Variants in P3H4 observed in about 807,000 individuals in gnomAD.
P3H4 encodes the protein prolyl 3-hydroxylase family member 4 (inactive).
A neutral mutation model predicts 52.9 loss-of-function variants in P3H4; 47 were observed. That is an observed-to-expected ratio of 0.89 (90% confidence interval 0.70 to 1.13). The LOEUF (loss-of-function observed/expected upper bound fraction) is 1.13. Among genes scored for constraint, P3H4 ranks in the 50% most tolerant of loss-of-function variants. P3H4 has a pLI of 0.00. For synonymous variants in P3H4, 256 were observed against 267.9 expected, an observed-to-expected ratio of 0.96 and a Z score of 0.44; for missense variants, 585 against 611.0, an observed-to-expected ratio of 0.96 and a Z score of 0.45.
At position 41,811,775 on chromosome 17, in the gene P3H4, G is replaced by A. The variant is rs1555615256; in HGVS notation, c.141C>T (p.Tyr47=). Residue 47 remains tyrosine, a synonymous_variant, in exon 1 of 8, where the codon TAC becomes TAT. Transcript: ENST00000393928. The surrounding 1 kb of genome is among the most constrained non-coding windows in gnomAD (Gnocchi z 4.8). ...AAAYGHALEQ[Y]EGESWRESAR... The stretch of plus-strand genomic sequence containing the variant: ...CGCTCTCGCGCCAGCTCTCTCCCTC[G>A]TACTGCTCCAGAGCGTGCCCGTACG... 1.3e-6 allele frequency: 2 copies of A among 1,532,964 alleles called. No individual in the cohort carries two copies. The highest frequency in any genetic ancestry group is 5.3e-5 in the East Asian group (2 of 37,462). The allele number at this position is 1,532,964 out of a possible 1,614,324, so 95.0% of individuals were successfully genotyped here.
intron 6 of P3H4, among the ~76,000 whole-genome samples, chr17:41,804,247 C>T (rs973376518): frequency 4.0e-5 from 6 of 151,792 alleles, no homozygotes; most frequent in African/African-American, 7.2e-5. Context: ...CACCGTGCCC[C>T]GCCAGGACCA....
At position 41,802,557 on chromosome 17, in the gene P3H4, T is replaced by C; in HGVS notation, c.*400A>G. The C allele has an allele frequency of 5.0e-6, 1 of 200,334 alleles. No individual in the cohort carries two copies. The highest frequency in any genetic ancestry group is 9.8e-6 in the Non-Finnish European group (1 of 102,558). 12.4% of individuals were successfully genotyped at this position (200,334 alleles called of 1,614,324 possible). A position where few individuals can be genotyped will look rare whatever the true frequency, so the allele number is the denominator to read the frequency against. ...GCGTGAGCCACCGTGCCGGCCCGTC[T>C]TGTTTTTTTTTAAAGATGGAGTCTC... On this transcript the variant is annotated 3_prime_UTR_variant, in exon 8 of 8. Transcript: ENST00000393928.
At position 41,811,665 on chromosome 17, in the gene P3H4, G is replaced by A; in HGVS notation, c.251C>T (p.Ala84Val). The A allele has an allele frequency of 1.4e-6, 2 of 1,427,986 alleles. No individual in the cohort carries two copies. The highest frequency in any genetic ancestry group is 1.8e-6 in the Non-Finnish European group (2 of 1,102,534). 88.5% of individuals were successfully genotyped at this position (1,427,986 alleles called of 1,614,324 possible). A position where few individuals can be genotyped will look rare whatever the true frequency, so the allele number is the denominator to read the frequency against. ...AFCHANCSGP[A>V]PAAKPDPDGG... The stretch of plus-strand genomic sequence containing the variant: ...GTCGGGATCGGGCTTGGCCGCGGGC[G>A]CGGGGCCGCTGCAGTTGGCGTGGCA... Residue 84 changes from alanine (A) to valine (V), a missense_variant, in exon 1 of 8, where the codon GCG becomes GTG. Physicochemically the swap from Ala to Val is moderately conservative, Grantham distance 64. Coordinates refer to ENST00000393928, the MANE Select transcript of P3H4 (RefSeq NM_006455.3). This position sits in a 1 kb window ranked among gnomAD's most constrained non-coding sequence, Gnocchi z 4.8.
In P3H4 at chr17:41,802,145, T is replaced by C. The variant is rs1262360500; in HGVS notation, c.*812A>G. On this transcript the variant is annotated 3_prime_UTR_variant, in exon 8 of 8. Transcript: ENST00000393928. ...TCAGCAGTGAGGAGGGCGGACCCCA[T>C]CAGCCCACTTGCCAACCTGCAATGC... 6.6e-6 allele frequency: 1 copy of C among 152,306 alleles called. No homozygotes were observed. Among genetic ancestry groups the C allele is most frequent in the Non-Finnish European group, 1.5e-5 (1 of 68,208 alleles). The allele number at this position is 152,306 out of a possible 1,614,324, so 9.4% of individuals were successfully genotyped here. A position where few individuals can be genotyped will look rare whatever the true frequency, so the allele number is the denominator to read the frequency against.
chr17:41,807,940 G>A lies in P3H4; in HGVS notation c.981C>T (p.Ser327=), dbSNP rs34661454. Residue 327 remains serine, a synonymous_variant, in exon 5 of 8, where the codon AGC becomes AGT. Coordinates refer to ENST00000393928, the MANE Select transcript of P3H4 (RefSeq NM_006455.3). ...AATACACCAGGTTCTGCTGCATGAC[G>A]CTGTCCTTGGGGTCGAAGAGCATGT... ...ASYMLFDPKD[S]VMQQNLVYYR... 20 of 1,614,058 alleles carry A rather than the reference G, an allele frequency of 1.2e-5. No individual in the cohort carries two copies. The highest frequency in any genetic ancestry group is 8.0e-5 in the African/African-American group (6 of 74,932).
At chr17:41,809,860 G>T (rs376821198) in intron 3 of P3H4, 26 bp from the exon 4 acceptor site, 3 of 1,603,716 alleles carry the variant, frequency 1.9e-6, no homozygotes, top group Non-Finnish European at 2.6e-6. Flanking sequence ...AGCAGTGAGA[G>T]GCTGGCATTG....
At chr17:41,807,233 G>A (rs1448497932) in intron 5 of P3H4, 10 of 323,606 alleles carry the variant, frequency 3.1e-5, no homozygotes, top group African/African-American at 8.5e-5. Flanking sequence ...GGTCAGCAGT[G>A]AGGGTAATGA....
chr17:41,809,003 A>G (rs2047701738), intron 4 of P3H4, among the ~76,000 whole-genome samples: 1 of 152,154 alleles, frequency 6.6e-6, no homozygotes, highest in African/African-American at 2.4e-5. Context: ...GCCACTTTTT[A>G]TTAGTCATAA....
Position 41,811,214 on chromosome 17 carries a change from G to T in P3H4, c.533C>A (p.Thr178Asn). 1 of 1,614,116 alleles carries T rather than the reference G, an allele frequency of 6.2e-7. No homozygotes were observed. The highest frequency in any genetic ancestry group is 8.5e-7 in the Non-Finnish European group (1 of 1,180,030). The change falls in exon 2 of 8, where the codon ACC (threonine) becomes AAC (asparagine). Residue 178 changes from threonine (T) to asparagine (N), a missense_variant. Thr to Asn is a moderately conservative substitution (Grantham distance 65). Transcript: ENST00000393928. This position sits in a 1 kb window ranked among gnomAD's most constrained non-coding sequence, Gnocchi z 4.8. ...FLQRNPKHEL[T>N]AKYLNYYQGM... is the part of the protein sequence containing the mutation. The stretch of plus-strand genomic sequence containing the variant: ...CTGATAGTAGTTGAGATACTTGGCG[G>T]TCAGCTCGTGCTTCGGGTTCCTCTG...
chr17:41,805,238 G>A (rs1314121134), intron 6 of P3H4, among the ~76,000 whole-genome samples: 1 of 151,460 alleles, frequency 6.6e-6, no homozygotes, highest in African/African-American at 2.4e-5. Flanking sequence ...GCAGTGAGCT[G>A]AGATCACGCC....
intron 4 of P3H4, 130 bp downstream of exon 4, chr17:41,809,576 A>T (rs537613281): frequency 1.7e-6 from 2 of 1,147,374 alleles, no homozygotes; most frequent in Non-Finnish European, 2.5e-6. Flanking sequence ...CACCACCCCT[A>T]GACTTTCCTC....
rs2047720923 is a variant in P3H4, at chr17:41,810,726, G to A, written c.787+137C>T. On this transcript the variant is annotated intron_variant, in intron 3 of 7. Transcript: ENST00000393928. ...CCCAGCTGGGGCCCCTGCACCCAGCGTCTTTCTCAACAGACAAGGCCTTCC... is the reference window on the plus strand; with the variant it reads ...CCCAGCTGGGGCCCCTGCACCCAGCATCTTTCTCAACAGACAAGGCCTTCC... 16 of 1,109,780 alleles carry A rather than the reference G, an allele frequency of 1.4e-5. 1 individual carries two copies. The South Asian group carries it at 1.9e-4, about 14-fold the overall frequency. 68.7% of individuals were successfully genotyped at this position (1,109,780 alleles called of 1,614,324 possible). A position where few individuals can be genotyped will look rare whatever the true frequency, so the allele number is the denominator to read the frequency against.
At chr17:41,804,736 G>A (rs1409957356) in intron 6 of P3H4, among the ~76,000 whole-genome samples, 1 of 152,110 alleles carries the variant, frequency 6.6e-6, no homozygotes, top group Non-Finnish European at 1.5e-5. Context: ...TTGGGAGGCC[G>A]AGGCAAGCGG....
intron 4 of P3H4, 75 bp from the exon 5 acceptor site, chr17:41,808,079 A>C: frequency 2.0e-6 from 3 of 1,532,384 alleles, no homozygotes; most frequent in Non-Finnish European, 1.8e-6. Flanking sequence ...AGTTCAGTCC[A>C]GCACCCCTGC....
chr17:41,811,719 T>C lies in P3H4; in HGVS notation c.197A>G (p.His66Arg). ...ARYLEAALRLHRLLRDSEAFC... is the reference protein window; with the variant it reads ...ARYLEAALRLRRLLRDSEAFC... ...GGCCTCGCTGTCGCGCAGGAGCCGG[T>C]GCAGCCGCAGCGCCGCCTCCAGGTA... The change falls in exon 1 of 8, where the codon CAC (histidine) becomes CGC (arginine). Residue 66 changes from histidine (H) to arginine (R), a missense_variant. By Grantham distance (29) the His-to-Arg change is conservative. Transcript: ENST00000393928. This position sits in a 1 kb window ranked among gnomAD's most constrained non-coding sequence, Gnocchi z 4.8. 1 of 1,500,372 alleles carries C rather than the reference T, an allele frequency of 6.7e-7. No individual in the cohort carries two copies. The highest frequency in any genetic ancestry group is 2.8e-5 in the East Asian group (1 of 35,298). 92.9% of individuals were successfully genotyped at this position (1,500,372 alleles called of 1,614,324 possible). A position where few individuals can be genotyped will look rare whatever the true frequency, so the allele number is the denominator to read the frequency against.
At chr17:41,809,612 A>G in intron 4 of P3H4, 94 bp downstream of exon 4, 1 of 1,445,062 alleles carries the variant, frequency 6.9e-7, no homozygotes, top group Non-Finnish European at 9.4e-7. Context: ...CTCAATACTG[A>G]AGGAAAGCTC....
At chr17:41,807,593 G>C in intron 5 of P3H4, 1 of 256,510 alleles carries the variant, frequency 3.9e-6, no homozygotes, top group Non-Finnish European at 7.5e-6. Context: ...TGCCTCCCAG[G>C]TTCACGCCAT....
chr17:41,806,752 G>T, intron 6 of P3H4, 44 bp downstream of exon 6: 1 of 1,534,724 alleles, frequency 6.5e-7, no homozygotes, highest in Non-Finnish European at 9.0e-7. Context: ...AAGGTCCAAG[G>T]TGTCCCCATC....
chr17:41,811,792 G>T lies in P3H4; in HGVS notation c.124C>A (p.His42Asn). Reference protein sequence around the residue: ...DLMPLAAAYGHALEQYEGESW... With the variant: ...DLMPLAAAYGNALEQYEGESW... ...TCTCCCTCGTACTGCTCCAGAGCGT[G>T]CCCGTACGCCGCGGCCAGCGGCATC... Residue 42 changes from histidine to asparagine, a missense_variant, in exon 1 of 8, where the codon CAC becomes AAC. His to Asn is a moderately conservative substitution (Grantham distance 68, BLOSUM62 1). Coordinates refer to ENST00000393928, the MANE Select transcript of P3H4 (RefSeq NM_006455.3). The surrounding 1 kb of genome is among the most constrained non-coding windows in gnomAD (Gnocchi z 4.8). 1.3e-6 allele frequency: 2 copies of T among 1,535,570 alleles called. No homozygotes were observed. The highest frequency in any genetic ancestry group is 1.7e-6 in the Non-Finnish European group (2 of 1,152,702).
Sources: gnomAD v4.1 joint callset for allele counts (sites outside exome capture counted in the v4.1 genomes callset) on GRCh38, gnomAD v4.1.1 for gene constraint, Gnocchi (gnomAD v3.1) non-coding constraint, MANE v1.5 for transcripts, NCBI Gene and HGNC (gene_info 2026-07-23, HGNC 2026-07-21) for gene names.